The following MYO1C variants were observed in gnomAD, a reference collection of about 807,000 sequenced individuals.
The protein encoded by MYO1C is unconventional myosin-Ic.
MYO1C carries 104 observed loss-of-function variants against 150.8 expected under a neutral mutation model. That is an observed-to-expected ratio of 0.69 (90% confidence interval 0.59 to 0.81). MYO1C has a LOEUF of 0.81. Among genes scored for constraint, MYO1C ranks in the 30% least tolerant of loss-of-function variants. MYO1C has a pLI of 0.00. For synonymous variants in MYO1C, 663 were observed against 579.9 expected (o/e 1.14, Z -2.06); for missense variants, 1,504 against 1,435.0 (o/e 1.05, Z -0.78).
chr17:1,492,065 A>C, intron 1 of MYO1C: 2 of 350,952 alleles, frequency 5.7e-6, no homozygotes, highest in East Asian at 7.3e-5. Flanking sequence ...TGCGGACTGG[A>C]GAGGAGCGGG....
In MYO1C at chr17:1,467,466, C is replaced by T. The variant is rs761603559; in HGVS notation, c.3065+14G>A. On this transcript the variant is annotated intron_variant, in intron 30 of 31. Transcript: ENST00000648651. ...CCACCCCCGCCCTGTCCCCGGGGGC[C>T]GCCCGCGCCTCACCTGCCCTGGTTG... The T allele has an allele frequency of 1.4e-4, 228 of 1,611,742 alleles. No homozygotes were observed. Among genetic ancestry groups the T allele is most frequent in the Non-Finnish European group, 1.8e-4 (209 of 1,179,704 alleles).
At chr17:1,482,139 T>C (rs957537038) in intron 5 of MYO1C, among the ~76,000 whole-genome samples, 4 of 151,860 alleles carry the variant, frequency 2.6e-5, no homozygotes, top group African/African-American at 9.7e-5. Flanking sequence ...CTTGGACTCC[T>C]GGCCTCAAGT....
Position 1,465,625 on chromosome 17 carries a change from C to T in MYO1C, c.*101G>A. 1 of 1,214,940 alleles carries T rather than the reference C, an allele frequency of 8.2e-7. No homozygotes were observed. The highest frequency in any genetic ancestry group is 1.1e-6 in the Non-Finnish European group (1 of 927,016). 75.3% of individuals were successfully genotyped at this position (1,214,940 alleles called of 1,614,324 possible). ...AGATTGCAGGTGGGCTTCGGGGTGT[C>T]CCTGGGTCCCTGTCTGGAAGTTCGA... On this transcript the variant is annotated 3_prime_UTR_variant, in exon 32 of 32. Transcript: ENST00000648651.
chr17:1,478,743 C>T lies in MYO1C; in HGVS notation c.1093-8G>A, dbSNP rs369093359. On this transcript the variant is annotated splice_polypyrimidine_tract_variant and splice_region_variant and intron_variant, in intron 9 of 31. Coordinates refer to ENST00000648651, the MANE Select transcript of MYO1C (RefSeq NM_001080779.2). This position sits in a 1 kb window ranked among gnomAD's most constrained non-coding sequence, Gnocchi z 6.3. The stretch of plus-strand genomic sequence containing the variant: ...GTTCAGCGGGCTCAGGAGCTGTGGA[C>T]GCAGCGTGAGACAAGGAGATGAATG... The T allele has an allele frequency of 1.7e-5, 28 of 1,613,580 alleles. No individual in the cohort carries two copies. Among genetic ancestry groups the T allele is most frequent in the African/African-American group, 5.3e-5 (4 of 74,914 alleles).
chr17:1,487,276 G>A (rs972383907), intron 1 of MYO1C, among the ~76,000 whole-genome samples: 37 of 152,356 alleles, frequency 2.4e-4, no homozygotes, highest in African/African-American at 8.4e-4. Flanking sequence ...GGTGGGGAGA[G>A]CCTCAGGCGC....
Position 1,465,765 on chromosome 17 carries a change from A to G in MYO1C, c.3166-13T>C. ...GCCGTGGGGCGACCTGTGGGGGCGG[A>G]GAGAGACGGCCAAGTGGTGAGGGGA... is the stretch of plus-strand genomic sequence containing the variant. On this transcript the variant is annotated splice_polypyrimidine_tract_variant and intron_variant, in intron 31 of 31. Transcript: ENST00000648651. 1 of 1,318,398 alleles carries G rather than the reference A, an allele frequency of 7.6e-7. No homozygotes were observed. The highest frequency in any genetic ancestry group is 9.8e-7 in the Non-Finnish European group (1 of 1,024,964). The allele number at this position is 1,318,398 out of a possible 1,614,324, so 81.7% of individuals were successfully genotyped here.
Position 1,482,888 on chromosome 17 carries a change from C to A in MYO1C, c.519G>T (p.Arg173=), listed in dbSNP as rs762845503. The A allele has an allele frequency of 1.2e-6, 2 of 1,611,906 alleles. No homozygotes were observed. The highest frequency in any genetic ancestry group is 2.2e-5 in the South Asian group (2 of 91,028). The change falls in exon 4 of 32, where the codon CGG becomes CGT. Residue 173 remains arginine, a synonymous_variant. Transcript: ENST00000648651. The part of the protein sequence containing the change: ...APERGGAVRD[R]LLQSNPVLEA... ...CCAGCACCGGGTTGCTCTGTAGCAG[C>A]CGGTCCCGCACGGCACCTCCGCGCT...
chr17:1,481,715 G>A (rs2074524844), intron 5 of MYO1C, among the ~76,000 whole-genome samples: 1 of 151,596 alleles, frequency 6.6e-6, no homozygotes, highest in Non-Finnish European at 1.5e-5. Context: ...TGGCCAGGCT[G>A]GTCTTGAACT....
chr17:1,477,396 TG>T, intron 14 of MYO1C, 108 bp downstream of exon 14: 1 of 1,008,758 alleles, frequency 9.9e-7, no homozygotes, highest in Non-Finnish European at 1.6e-6. Flanking sequence ...GCACCGTCCC[TG>T]GTCACCTCCT....
intron 31 of MYO1C, 62 bp downstream of exon 31, chr17:1,467,180 A>G: frequency 6.7e-7 from 1 of 1,492,294 alleles, no homozygotes; most frequent in South Asian, 1.2e-5. Flanking sequence ...TCTGCCAAGC[A>G]CAGCCAAGGA....
At chr17:1,485,774 G>T (rs1234321603) in intron 1 of MYO1C, 24 of 1,012,276 alleles carry the variant, frequency 2.4e-5, no homozygotes, top group Non-Finnish European at 2.7e-5. Context: ...CTCGGCGGCG[G>T]TGGCGGCGGC....
intron 17 of MYO1C, among the ~76,000 whole-genome samples, chr17:1,472,558 T>C (rs1043008100): frequency 6.6e-6 from 1 of 152,254 alleles, no homozygotes; most frequent in Non-Finnish European, 1.5e-5. Flanking sequence ...CTAAACAGCA[T>C]GTCCCATGCT....
At chr17:1,486,577 G>A (rs1280020199) in intron 1 of MYO1C, among the ~76,000 whole-genome samples, 28 of 151,592 alleles carry the variant, frequency 1.8e-4, no homozygotes, top group African/African-American at 6.5e-4. Flanking sequence ...GTTCAGTGGC[G>A]CGATCTCGGC....
intron 21 of MYO1C, 39 bp from the exon 22 acceptor site, chr17:1,470,728 G>T: frequency 6.3e-7 from 1 of 1,581,802 alleles, no homozygotes; most frequent in African/African-American, 1.3e-5. Context: ...CAGAGCGCGG[G>T]GAGCCAGCTG....
At position 1,470,447 on chromosome 17, in the gene MYO1C, T is replaced by C; in HGVS notation, c.2354A>G (p.Gln785Arg). Residue 785 changes from glutamine (Q) to arginine (R), a missense_variant, in exon 23 of 32, where the codon CAG becomes CGG. Physicochemically the swap from Gln to Arg is conservative, Grantham distance 43. Coordinates refer to ENST00000648651, the MANE Select transcript of MYO1C (RefSeq NM_001080779.2). Reference protein sequence around the residue: ...RKAAKRKWAAQTIRRLIRGFV... With the variant: ...RKAAKRKWAARTIRRLIRGFV... ...CCCTGGCGCTCACCGCCGGATGGTC[T>C]GTGCCGCCCACTTCCTCTTGGCTGC... The C allele has an allele frequency of 6.4e-7, 1 of 1,550,632 alleles. No homozygotes were observed. The highest frequency in any genetic ancestry group is 1.4e-5 in the African/African-American group (1 of 73,196).
intron 7 of MYO1C, among the ~76,000 whole-genome samples, chr17:1,480,245 G>A (rs1322405839): frequency 1.1e-4 from 17 of 151,376 alleles, no homozygotes; most frequent in African/African-American, 3.9e-4. Flanking sequence ...TCGGGAGTTC[G>A]AGACCAGGCT....
chr17:1,489,744 A>T (rs2074707964), intron 1 of MYO1C, among the ~76,000 whole-genome samples: 1 of 151,998 alleles, frequency 6.6e-6, no homozygotes, highest in Admixed American at 6.5e-5. Context: ...GGGGGAAAAA[A>T]AAAAGTAAAC....
At position 1,468,274 on chromosome 17, in the gene MYO1C, G is replaced by A; in HGVS notation, c.2739C>T (p.Ala913=). 6.2e-7 allele frequency: 1 copy of A among 1,613,816 alleles called. No individual in the cohort carries two copies. ...TTACCTGAATGGGCTCAGAGCCCAA[G>A]GCCTGCAGCACTCGGGGGCTGATCT... ...TDEISPRVLQ[A]LGSEPIQYAV... Residue 913 remains alanine (A), a synonymous_variant, in exon 27 of 32, where the codon GCC becomes GCT. Coordinates refer to ENST00000648651, the MANE Select transcript of MYO1C (RefSeq NM_001080779.2).
chr17:1,472,516 CTTT>C (rs2074325641), intron 17 of MYO1C, among the ~76,000 whole-genome samples: 1 of 152,236 alleles, frequency 6.6e-6, no homozygotes, highest in South Asian at 2.1e-4. Context: ...AGTGGCCCTT[CTTT>C]TTCTTTCTAG....
Sources: allele counts gnomAD v4.1 joint callset (sites outside exome capture counted in the v4.1 genomes callset), GRCh38; gene constraint gnomAD v4.1.1; non-coding constraint Gnocchi (gnomAD v3.1); transcripts MANE v1.5; gene names NCBI Gene and HGNC (gene_info 2026-07-23, HGNC 2026-07-21).